Variants in ZNF827 observed in about 807,000 individuals in gnomAD.
The protein encoded by ZNF827 is zinc finger protein 827.
Under a neutral mutation model 102.4 loss-of-function variants are expected in ZNF827, and 13 were observed. That is an observed-to-expected ratio of 0.13 (90% CI 0.08 to 0.20). The LOEUF (loss-of-function observed/expected upper bound fraction) is 0.20. Among genes scored for constraint, ZNF827 ranks in the 10% least tolerant of loss-of-function variants. The pLI, the probability that ZNF827 is intolerant of heterozygous loss-of-function variation, is 1.00. For missense variants in ZNF827, 1,103 were observed against 1,344.4 expected (o/e 0.82, Z 2.81); for synonymous variants, 523 against 536.2 (o/e 0.98, Z 0.34).
At chr4:145,911,712 G>A (rs999257188) in intron 1 of ZNF827, among the ~76,000 whole-genome samples, 1 of 152,134 alleles carries the variant, frequency 6.6e-6, no homozygotes, top group Non-Finnish European at 1.5e-5. Flanking sequence ...TTTGCCCAAG[G>A]TCCCCTAGAT....
intron 1 of ZNF827, among the ~76,000 whole-genome samples, chr4:145,932,669 T>C (rs376820084): frequency 6.6e-6 from 1 of 151,996 alleles, no homozygotes; most frequent in African/African-American, 2.4e-5. Context: ...AGAGACGGGG[T>C]TTCACCATGT....
Position 145,765,832 on chromosome 4 carries a change from T to C in ZNF827, c.2861-94A>G, listed in dbSNP as rs1233057422. On this transcript the variant is annotated intron_variant, in intron 11 of 14. Transcript: ENST00000508784. This position sits in a 1 kb window ranked among gnomAD's most constrained non-coding sequence, Gnocchi z 4.7. ...TGACGAGTTGAGTCTCATGGATGCA[T>C]CATCATTCTGGGGGCACAGGCTCAT... 3.8e-6 allele frequency: 5 copies of C among 1,305,058 alleles called. No individual in the cohort carries two copies. Among genetic ancestry groups the C allele is most frequent in the Non-Finnish European group, 5.3e-6 (5 of 951,254 alleles). 80.8% of individuals were successfully genotyped at this position (1,305,058 alleles called of 1,614,324 possible).
chr4:145,809,953 C>A (rs1281337036), intron 8 of ZNF827, among the ~76,000 whole-genome samples: 1 of 152,200 alleles, frequency 6.6e-6, no homozygotes, highest in Non-Finnish European at 1.5e-5. Context: ...ACTGCAATAA[C>A]AGGGTCTCAG....
chr4:145,827,179 T>C (rs1743771493), intron 7 of ZNF827, among the ~76,000 whole-genome samples: 1 of 152,076 alleles, frequency 6.6e-6, no homozygotes, highest in South Asian at 2.1e-4. Flanking sequence ...TTGAGCATGA[T>C]GGCTTCCCCA....
chr4:145,770,340 AAATAAAT>A (rs763924086), intron 11 of ZNF827, among the ~76,000 whole-genome samples: 3,974 of 64,466 alleles, frequency 0.062, 93 homozygotes, highest in Middle Eastern at 0.14. Flanking sequence ...ATAAATAAAT[AAATAAAT>A]AAAATAGATC....
At position 145,763,227 on chromosome 4, in the gene ZNF827, AGTCT is replaced by A; in HGVS notation, c.3231-109_3231-106del. 8.8e-7 allele frequency: 1 copy of A among 1,138,236 alleles called. No homozygotes were observed. The highest frequency in any genetic ancestry group is 1.5e-5 in the South Asian group (1 of 67,686). 70.5% of individuals were successfully genotyped at this position (1,138,236 alleles called of 1,614,324 possible). On this transcript the variant is annotated intron_variant, in intron 13 of 14. Coordinates refer to ENST00000508784, the MANE Select transcript of ZNF827 (RefSeq NM_001306215.2). This position sits in a 1 kb window ranked among gnomAD's most constrained non-coding sequence, Gnocchi z 4.6. Reference sequence around the variant, plus strand: ...ACAGAAAAGCAATTTAGACATCAGCAGTCTGTTTCATTTTAAGGACATTTCTGTG... The same window carrying A: ...ACAGAAAAGCAATTTAGACATCAGCAGTTTCATTTTAAGGACATTTCTGTG...
intron 8 of ZNF827, among the ~76,000 whole-genome samples, chr4:145,807,274 G>T (rs1741545703): frequency 2.0e-5 from 3 of 152,150 alleles, no homozygotes; most frequent in Admixed American, 6.5e-5. Flanking sequence ...TTAACTCAGA[G>T]CACCATGAAT....
At chr4:145,810,993 C>CTTT (rs34011180) in intron 8 of ZNF827, among the ~76,000 whole-genome samples, 4 of 137,982 alleles carry the variant, frequency 2.9e-5, no homozygotes, top group African/African-American at 1.1e-4. Flanking sequence ...ACTCATTTCG[C>CTTT]TTTTTTTTTT....
chr4:145,885,094 T>G (rs745499804), intron 4 of ZNF827, among the ~76,000 whole-genome samples: 4 of 152,064 alleles, frequency 2.6e-5, no homozygotes, highest in African/African-American at 4.8e-5. Flanking sequence ...ATGGTTAAAA[T>G]GGTAAATTTT....
At chr4:145,924,021 C>A (rs185365573) in intron 1 of ZNF827, among the ~76,000 whole-genome samples, 2 of 152,324 alleles carry the variant, frequency 1.3e-5, no homozygotes, top group East Asian at 3.9e-4. Context: ...CAAAAGCAAA[C>A]ATCCATTGTG....
chr4:145,765,872 C>A lies in ZNF827; in HGVS notation c.2861-134G>T. 1.1e-5 allele frequency: 10 copies of A among 872,524 alleles called. 1 individual carries two copies. In the South Asian group the frequency reaches 1.7e-4, roughly 15 times the overall value. 54.0% of individuals were successfully genotyped at this position (872,524 alleles called of 1,614,324 possible). A position where few individuals can be genotyped will look rare whatever the true frequency, so the allele number is the denominator to read the frequency against. On this transcript the variant is annotated intron_variant, in intron 11 of 14. Coordinates refer to ENST00000508784, the MANE Select transcript of ZNF827 (RefSeq NM_001306215.2). This position sits in a 1 kb window ranked among gnomAD's most constrained non-coding sequence, Gnocchi z 4.7. Reference sequence around the variant, plus strand: ...CACAGGCTCATGTCCCCAGCTCCCCCACTGCTGGGGGATCCCAGGTCCTAA... The same window carrying A: ...CACAGGCTCATGTCCCCAGCTCCCCAACTGCTGGGGGATCCCAGGTCCTAA...
rs114758161 is a variant in ZNF827, at chr4:145,817,646, G to A, written c.2383+5776C>T. Among the ~76,000 whole-genome samples, 1,041 of 152,240 alleles carry A rather than the reference G, an allele frequency of 6.8e-3. 21 individuals are homozygous for A. Among genetic ancestry groups the A allele is most frequent in the African/African-American group, 0.024 (993 of 41,538 alleles). ...AACCATCACCATGATCTAAACACAC[G>A]GAGATTATAATTCAAGATGAGATTT... On this transcript the variant is annotated intron_variant, in intron 8 of 14. Coordinates refer to ENST00000508784, the MANE Select transcript of ZNF827 (RefSeq NM_001306215.2).
chr4:145,929,994 G>A (rs1753686325), intron 1 of ZNF827, among the ~76,000 whole-genome samples: 1 of 152,192 alleles, frequency 6.6e-6, no homozygotes, highest in African/African-American at 2.4e-5. Flanking sequence ...TGGCCCCAGA[G>A]TTTGTACGTT....
chr4:145,788,845 C>A (rs147863072), intron 8 of ZNF827, among the ~76,000 whole-genome samples: 1 of 152,306 alleles, frequency 6.6e-6, no homozygotes, highest in Non-Finnish European at 1.5e-5. Flanking sequence ...GTAATCAGGC[C>A]TGAAAATCAT....
chr4:145,864,038 C>CA (rs1257002493), intron 5 of ZNF827, among the ~76,000 whole-genome samples: 1 of 151,556 alleles, frequency 6.6e-6, no homozygotes, highest in African/African-American at 2.4e-5. Flanking sequence ...TACTAAAATA[C>CA]AAAAAATCAG....
chr4:145,862,354 A>G (rs6810898), intron 5 of ZNF827, among the ~76,000 whole-genome samples: 147,262 of 152,330 alleles, frequency 0.97, 71,229 homozygotes, highest in East Asian at 1. Context: ...TCAAGAGAAG[A>G]TTTCTCTGGG....
chr4:145,934,634 C>T (rs772119375), intron 1 of ZNF827, among the ~76,000 whole-genome samples: 1 of 152,210 alleles, frequency 6.6e-6, no homozygotes, highest in African/African-American at 2.4e-5. Flanking sequence ...GTCTGGATTT[C>T]CAGGACTAAT....
At chr4:145,934,718 CCA>C (rs1034545019) in intron 1 of ZNF827, among the ~76,000 whole-genome samples, 1 of 152,138 alleles carries the variant, frequency 6.6e-6, no homozygotes, top group African/African-American at 2.4e-5. Flanking sequence ...CTTTGTAGAT[CCA>C]GACTGTGTCT....
At chr4:145,937,051 G>A (rs1214359721) in intron 1 of ZNF827, among the ~76,000 whole-genome samples, 2 of 152,014 alleles carry the variant, frequency 1.3e-5, no homozygotes, top group Non-Finnish European at 2.9e-5. Flanking sequence ...GGAGCCGGGC[G>A]GCCCCGGGGG....
Sources: gnomAD v4.1 joint callset for allele counts (sites outside exome capture counted in the v4.1 genomes callset) on GRCh38, gnomAD v4.1.1 for gene constraint, Gnocchi (gnomAD v3.1) non-coding constraint, MANE v1.5 for transcripts, NCBI Gene and HGNC (gene_info 2026-07-23, HGNC 2026-07-21) for gene names.